The following EHBP1 variants were observed in gnomAD, a reference collection of about 807,000 sequenced individuals.
EHBP1 encodes EH domain binding protein 1, also known as EH domain-binding protein 1.
In EHBP1, 55 loss-of-function variants were observed where a neutral mutation model predicts 144.0. That is an observed-to-expected ratio of 0.38 (90% CI 0.31 to 0.48). The LOEUF is 0.48. Among genes scored for constraint, EHBP1 ranks in the 20% least tolerant of loss-of-function variants. The pLI is 0.98. For missense variants in EHBP1, 1,200 were observed against 1,364.2 expected (o/e 0.88, Z 1.90); for synonymous variants, 469 against 472.7 (o/e 0.99, Z 0.10).
intron 10 of EHBP1, among the ~76,000 whole-genome samples, chr2:62,935,893 G>C (rs748882878): frequency 1.2e-4 from 19 of 152,124 alleles, no homozygotes; most frequent in Non-Finnish European, 1.8e-4. Flanking sequence ...CTGTTTAGAT[G>C]ATTATATTAT....
intron 7 of EHBP1, among the ~76,000 whole-genome samples, chr2:62,838,222 A>G (rs1355992654): frequency 2.0e-5 from 3 of 152,190 alleles, no homozygotes; most frequent in South Asian, 2.1e-4. Flanking sequence ...AAACTGAACA[A>G]CCTGCTCTTG....
intron 14 of EHBP1, among the ~76,000 whole-genome samples, chr2:62,966,488 C>G (rs1005216337): frequency 1.3e-5 from 2 of 152,060 alleles, no homozygotes; most frequent in African/African-American, 4.8e-5. Context: ...TTCCCGAGTG[C>G]TTTAATTGGT....
intron 5 of EHBP1, among the ~76,000 whole-genome samples, chr2:62,801,779 C>G (rs1052977858): frequency 1.7e-4 from 26 of 152,132 alleles, no homozygotes; most frequent in African/African-American, 6.3e-4. Context: ...TTGTATATTT[C>G]TTAACTAGAG....
chr2:62,874,370 A>G lies in EHBP1; in HGVS notation c.1023A>G (p.Lys341=), dbSNP rs1245064782. 4 of 1,602,134 alleles carry G rather than the reference A, an allele frequency of 2.5e-6. No individual in the cohort carries two copies. Among genetic ancestry groups the G allele is most frequent in the Admixed American group, 3.5e-5 (2 of 57,944 alleles). ...LDESNPFYEP[K]STPPPNNLVN... is the part of the protein sequence containing the mutation. Reference sequence around the variant, plus strand: ...GATCAAATCCTTTTTATGAACCTAAATCAACTCCTCCTCCAAATAATTTGG... The same window carrying G: ...GATCAAATCCTTTTTATGAACCTAAGTCAACTCCTCCTCCAAATAATTTGG... Residue 341 remains lysine (K), a synonymous_variant, in exon 10 of 23, where the codon AAA becomes AAG. Transcript: ENST00000431489.
At chr2:62,792,227 T>C (rs2152456876) in intron 5 of EHBP1, among the ~76,000 whole-genome samples, 1 of 152,196 alleles carries the variant, frequency 6.6e-6, no homozygotes, top group Non-Finnish European at 1.5e-5. Context: ...GTAGGGAATG[T>C]ATTTCCAGTT....
chr2:62,952,294 A>C (rs2057433285), intron 13 of EHBP1, among the ~76,000 whole-genome samples: 1 of 152,216 alleles, frequency 6.6e-6, no homozygotes, highest in African/African-American at 2.4e-5. Context: ...ATAGCAGCTG[A>C]ATTTTGGACA....
intron 19 of EHBP1, among the ~76,000 whole-genome samples, chr2:63,034,186 G>GT (rs2061371939): frequency 6.6e-6 from 1 of 151,886 alleles, no homozygotes; most frequent in Admixed American, 6.6e-5. Flanking sequence ...TAGTTTTTAT[G>GT]TTTTTATTGG....
chr2:62,970,565 C>T (rs2058452732), intron 14 of EHBP1, among the ~76,000 whole-genome samples: 3 of 152,146 alleles, frequency 2.0e-5, no homozygotes, highest in African/African-American at 7.2e-5. Context: ...TCAGCAGCTA[C>T]ACTGACAGTT....
At chr2:62,859,818 T>C (rs1279640538) in intron 8 of EHBP1, among the ~76,000 whole-genome samples, 1 of 152,174 alleles carries the variant, frequency 6.6e-6, no homozygotes, top group East Asian at 1.9e-4. Context: ...CCTGAGTCAC[T>C]TTTCTTATTA....
chr2:62,778,661 C>G (rs1352015030), intron 5 of EHBP1, among the ~76,000 whole-genome samples: 1 of 151,900 alleles, frequency 6.6e-6, no homozygotes, highest in Non-Finnish European at 1.5e-5. Flanking sequence ...AAGATTATAC[C>G]AAGAACAGAG....
chr2:62,879,481 A>G (rs1027171917), intron 10 of EHBP1, among the ~76,000 whole-genome samples: 4 of 151,908 alleles, frequency 2.6e-5, no homozygotes, highest in African/African-American at 9.7e-5. Flanking sequence ...ACATTTCTAT[A>G]CAACTACAAG....
chr2:62,817,362 A>C (rs1339778584), intron 5 of EHBP1, among the ~76,000 whole-genome samples: 2 of 152,156 alleles, frequency 1.3e-5, no homozygotes, highest in Non-Finnish European at 2.9e-5. Flanking sequence ...TATGAGAAGA[A>C]CATTCCTAGT....
intron 8 of EHBP1, among the ~76,000 whole-genome samples, chr2:62,862,937 G>A (rs957660354): frequency 6.6e-6 from 1 of 151,746 alleles, no homozygotes; most frequent in African/African-American, 2.4e-5. Flanking sequence ...CTCGTGCTAA[G>A]TACTACTACT....
chr2:62,759,035 G>A (rs1033002009), intron 3 of EHBP1, among the ~76,000 whole-genome samples: 7 of 152,238 alleles, frequency 4.6e-5, no homozygotes, highest in South Asian at 4.2e-4. Context: ...CTAGGTACAC[G>A]TTTTTTAGGT....
chr2:62,930,473 A>G (rs917597083), intron 10 of EHBP1, among the ~76,000 whole-genome samples: 2 of 152,242 alleles, frequency 1.3e-5, no homozygotes, highest in African/African-American at 4.8e-5. Context: ...CTAAAGATTT[A>G]ATGCAATTCT....
chr2:62,821,834 T>A (rs1312691041), intron 5 of EHBP1, among the ~76,000 whole-genome samples: 1 of 152,092 alleles, frequency 6.6e-6, no homozygotes, highest in Non-Finnish European at 1.5e-5. Flanking sequence ...TAAGTATAAT[T>A]TTTTATTTTT....
At chr2:62,790,011 A>T (rs1451766968) in intron 5 of EHBP1, among the ~76,000 whole-genome samples, 2 of 152,194 alleles carry the variant, frequency 1.3e-5, no homozygotes, top group Admixed American at 6.5e-5. Flanking sequence ...GTTTTTCCAC[A>T]TCCTCCTAGT....
chr2:62,839,325 A>G (rs1177004914), intron 7 of EHBP1, among the ~76,000 whole-genome samples: 1 of 147,580 alleles, frequency 6.8e-6, no homozygotes, highest in Non-Finnish European at 1.5e-5. Flanking sequence ...TAAATTAGGT[A>G]TTGATGGGAC....
chr2:62,685,388 AGAGTCTGTTTCAT>A, intron 1 of EHBP1, among the ~76,000 whole-genome samples: 1 of 152,158 alleles, frequency 6.6e-6, no homozygotes, highest in South Asian at 2.1e-4. Flanking sequence ...GTTATGAGGG[AGAGTCTGTTTCAT>A]GCCCCTCCCC....
Sources: allele counts gnomAD v4.1 joint callset (sites outside exome capture counted in the v4.1 genomes callset), GRCh38; gene constraint gnomAD v4.1.1; transcripts MANE v1.5; gene names NCBI Gene and HGNC (gene_info 2026-07-23, HGNC 2026-07-21).